XRN2: variants seen among roughly 807,000 people sequenced by gnomAD.
XRN2 encodes the protein 5'-3' exoribonuclease 2.
In XRN2, 44 loss-of-function variants were observed where a neutral mutation model predicts 138.5. That is an observed-to-expected ratio of 0.32 (90% CI 0.25 to 0.41). The LOEUF (loss-of-function observed/expected upper bound fraction) is 0.41, where lower values mean the gene tolerates loss of function less well. XRN2 is among the 10% of genes least tolerant of loss of function. XRN2 has a pLI of 1.00. For synonymous variants in XRN2, 354 were observed against 369.4 expected (o/e 0.96, Z 0.48); for missense variants, 937 against 1,169.3 (o/e 0.80, Z 2.90).
chr20:21,316,786 A>G (rs1447865968), intron 1 of XRN2, among the ~76,000 whole-genome samples: 1 of 152,110 alleles, frequency 6.6e-6, no homozygotes, highest in Admixed American at 6.6e-5. Context: ...TTTGTTTAGA[A>G]CTATTTTGAT....
intron 27 of XRN2, among the ~76,000 whole-genome samples, chr20:21,377,618 A>G (rs1352008301): frequency 6.7e-6 from 1 of 150,284 alleles, no homozygotes; most frequent in African/African-American, 2.5e-5. Flanking sequence ...TTATTTTGTG[A>G]TCTTGTTACT....
intron 29 of XRN2, among the ~76,000 whole-genome samples, chr20:21,387,369 AAAGT>A (rs71916579): frequency 0.1 from 15,611 of 152,142 alleles, 1,411 homozygotes; most frequent in African/African-American, 0.25. Context: ...TGGAAGCTGG[AAAGT>A]AAGTCTGCTT....
rs147447148 is a variant in XRN2, at chr20:21,341,141, G to C, written c.1410+289G>C. On this transcript the variant is annotated intron_variant, in intron 15 of 29. Coordinates refer to ENST00000377191, the MANE Select transcript of XRN2 (RefSeq NM_012255.5). ...CCCTGTCTCAAAAATAAGCTAAGTG[G>C]CTGCAGTGTTTTTGTAATGCAGATG... Among the ~76,000 whole-genome samples the C allele has an allele frequency of 8.1e-3, 1,236 of 152,250 alleles. 10 individuals are homozygous for C. Among genetic ancestry groups the C allele is most frequent in the Middle Eastern group, 0.02 (6 of 294 alleles).
At chr20:21,314,831 G>C (rs1439662986) in intron 1 of XRN2, among the ~76,000 whole-genome samples, 2 of 152,172 alleles carry the variant, frequency 1.3e-5, no homozygotes, top group African/African-American at 2.4e-5. Flanking sequence ...GTCTGAGTCT[G>C]AGGAGACAAG....
At chr20:21,356,058 T>C in intron 21 of XRN2, 22 bp from the exon 22 acceptor site, 1 of 1,596,620 alleles carries the variant, frequency 6.3e-7, no homozygotes, top group Non-Finnish European at 8.5e-7. Context: ...TGTGTAGGTC[T>C]TATTCTTTTC....
chr20:21,350,611 A>G (rs2038497735), intron 20 of XRN2, among the ~76,000 whole-genome samples: 1 of 151,394 alleles, frequency 6.6e-6, no homozygotes, highest in South Asian at 2.1e-4. Flanking sequence ...ATCCTGCAGC[A>G]AATTATTTAA....
chr20:21,311,017 C>T (rs2037873754), intron 1 of XRN2, among the ~76,000 whole-genome samples: 2 of 152,062 alleles, frequency 1.3e-5, no homozygotes, highest in Admixed American at 6.5e-5. Context: ...TCCCAGAGTG[C>T]TGGGATTACA....
intron 1 of XRN2, among the ~76,000 whole-genome samples, chr20:21,317,312 T>A (rs901185220): frequency 3.4e-5 from 5 of 147,826 alleles, no homozygotes; most frequent in African/African-American, 5.0e-5. Flanking sequence ...TTTTTTTTTT[T>A]AATCATGAAA....
chr20:21,344,015 G>A (rs760260489), intron 15 of XRN2, 75 bp from the exon 16 acceptor site: 2 of 1,038,776 alleles, frequency 1.9e-6, no homozygotes, highest in Non-Finnish European at 3.0e-6. Flanking sequence ...ATGGTAAGTA[G>A]TGGTGGTTGG....
rs550097717 is a variant in XRN2, at chr20:21,377,243, C to CATATGAT, written c.2585-4750_2585-4744dup. Among the ~76,000 whole-genome samples, 776 of 114,602 alleles carry CATATGAT rather than the reference C, an allele frequency of 6.8e-3. 7 individuals carry two copies. Among genetic ancestry groups the CATATGAT allele is most frequent in the African/African-American group, 0.025 (755 of 30,436 alleles). The allele number at this position is 114,602 out of a possible 152,430, so 75.2% of individuals were successfully genotyped here. ...CTAATATTCTTTAAGCATAGTCCAACATATGATTTGTCGGTTTTTTCTTTT... is the reference window on the plus strand; with the variant it reads ...CTAATATTCTTTAAGCATAGTCCAACATATGATATATGATTTGTCGGTTTTTTCTTTT... On this transcript the variant is annotated intron_variant, in intron 27 of 29. Coordinates refer to ENST00000377191, the MANE Select transcript of XRN2 (RefSeq NM_012255.5).
At chr20:21,314,125 C>G (rs958124071) in intron 1 of XRN2, among the ~76,000 whole-genome samples, 21 of 152,332 alleles carry the variant, frequency 1.4e-4, no homozygotes, top group African/African-American at 5.1e-4. Flanking sequence ...AACCACTAAT[C>G]TACTTTATGT....
Position 21,350,725 on chromosome 20 carries a change from A to G in XRN2, c.1936+1264A>G, listed in dbSNP as rs1295988090. Among the ~76,000 whole-genome samples, 3 of 152,090 alleles carry G rather than the reference A, an allele frequency of 2.0e-5. No individual in the cohort carries two copies. The South Asian group carries it at 6.2e-4, about 32-fold the overall frequency. On this transcript the variant is annotated intron_variant, in intron 20 of 29. Coordinates refer to ENST00000377191, the MANE Select transcript of XRN2 (RefSeq NM_012255.5). ...CTCTGTGGTTGGAATGGCCAATAAA[A>G]TGACTTACGGAGAATCTTGAGACAA...
In XRN2 at chr20:21,338,519, C is replaced by T. The variant is rs183625942; in HGVS notation, c.1234-525C>T. ...TGGCCAGGGTGAGGGATAATGTTTG[C>T]GTAGAGTCCCACTTCTCTCTTTTCT... On this transcript the variant is annotated intron_variant, in intron 13 of 29. Transcript: ENST00000377191. Among the ~76,000 whole-genome samples, 597 of 152,128 alleles carry T rather than the reference C, an allele frequency of 3.9e-3. 3 individuals are homozygous for T. Among genetic ancestry groups the T allele is most frequent in the African/African-American group, 0.014 (561 of 41,512 alleles).
chr20:21,341,313 G>C (rs1163883928), intron 15 of XRN2, among the ~76,000 whole-genome samples: 2 of 152,204 alleles, frequency 1.3e-5, no homozygotes, highest in African/African-American at 4.8e-5. Context: ...TCAGTGGGCA[G>C]TTGTGAGCAT....
chr20:21,310,264 G>A (rs182948272), intron 1 of XRN2, among the ~76,000 whole-genome samples: 45 of 152,138 alleles, frequency 3.0e-4, no homozygotes, highest in African/African-American at 1.0e-3. Context: ...TTTCCTGTTC[G>A]TGATTTTTAA....
intron 17 of XRN2, 117 bp downstream of exon 17, chr20:21,346,667 G>T: frequency 7.7e-7 from 1 of 1,293,902 alleles, no homozygotes; most frequent in East Asian, 2.5e-5. Flanking sequence ...TCACCTGGGC[G>T]GGAGGGCAAT....
At chr20:21,357,651 C>CT in intron 23 of XRN2, 85 bp from the exon 24 acceptor site, 1 of 1,109,044 alleles carries the variant, frequency 9.0e-7, no homozygotes, top group East Asian at 2.6e-5. Flanking sequence ...TTTCTAAAGA[C>CT]TAACAAACAT....
intron 23 of XRN2, among the ~76,000 whole-genome samples, chr20:21,357,445 C>T (rs1250933228): frequency 1.3e-5 from 2 of 152,130 alleles, no homozygotes; most frequent in Non-Finnish European, 2.9e-5. Flanking sequence ...AAACCCTTGT[C>T]ACAGCTTTAA....
At chr20:21,372,684 CAT>C (rs1341292575) in intron 27 of XRN2, among the ~76,000 whole-genome samples, 11 of 152,114 alleles carry the variant, frequency 7.2e-5, no homozygotes, top group South Asian at 4.2e-4. Flanking sequence ...TGAAATGTAA[CAT>C]ATGTAAAGTG....
Sources: gnomAD v4.1 joint callset for allele counts (sites outside exome capture counted in the v4.1 genomes callset) on GRCh38, gnomAD v4.1.1 for gene constraint, MANE v1.5 for transcripts, NCBI Gene and HGNC (gene_info 2026-07-23, HGNC 2026-07-21) for gene names.